The following SPAG9 variants were observed in gnomAD, a reference collection of about 807,000 sequenced individuals.
The protein encoded by SPAG9 is C-Jun-amino-terminal kinase-interacting protein 4.
Under a neutral mutation model 166.5 loss-of-function variants are expected in SPAG9, and 35 were observed. The ratio of observed to expected loss-of-function variants is 0.21; its 90% CI spans 0.16 to 0.28. The LOEUF is 0.28. Ranked by LOEUF, SPAG9 falls within the 10% of genes least tolerant of loss-of-function variation. The probability of loss-of-function intolerance (pLI) is 1.00; values close to 1 mark genes in which losing one functional copy is unlikely to be tolerated. For missense variants in SPAG9, 1,235 were observed against 1,603.3 expected, an observed-to-expected ratio of 0.77 and a Z score of 3.92; for synonymous variants, 534 against 565.5, an observed-to-expected ratio of 0.94 and a Z score of 0.79.
chr17:50,975,749 T>A (rs1047182563), intron 27 of SPAG9: 3 of 764,166 alleles, frequency 3.9e-6, no homozygotes, highest in Non-Finnish European at 6.5e-6. Context: ...ATGCAGTGAC[T>A]GCAAGTGGAT....
At chr17:51,001,581 A>T in intron 13 of SPAG9, 134 bp downstream of exon 13, 1 of 786,796 alleles carries the variant, frequency 1.3e-6, no homozygotes, top group Non-Finnish European at 1.9e-6. Context: ...TCTGAGTGTT[A>T]CTTTAAAAAG....
In SPAG9 at chr17:50,996,664, T is replaced by A; in HGVS notation, c.1869A>T (p.Glu623Asp). The change falls in exon 16 of 30, where the codon GAA becomes GAT. Residue 623 changes from glutamate to aspartate, a missense_variant. Transcript: ENST00000262013. ...CCTGACGATACTGCTCTCTCTTTTGTTCTCTGCGTGAGGCTAAACTAGCTT... is the reference window on the plus strand; with the variant it reads ...CCTGACGATACTGCTCTCTCTTTTGATCTCTGCGTGAGGCTAAACTAGCTT... ...ETEASLASRR[E>D]QKREQYRQVK... 6.2e-7 allele frequency: 1 copy of A among 1,614,194 alleles called. No individual in the cohort carries two copies. Among genetic ancestry groups the A allele is most frequent in the Non-Finnish European group, 8.5e-7 (1 of 1,180,030 alleles).
intron 1 of SPAG9, among the ~76,000 whole-genome samples, chr17:51,116,113 C>A (rs779563017): frequency 1.3e-5 from 2 of 151,940 alleles, no homozygotes; most frequent in Non-Finnish European, 2.9e-5. Context: ...AGGCACGATC[C>A]CAGCTCACTG....
At chr17:51,093,648 T>C (rs557974116) in intron 1 of SPAG9, among the ~76,000 whole-genome samples, 10 of 146,864 alleles carry the variant, frequency 6.8e-5, no homozygotes, top group Admixed American at 3.5e-4. Flanking sequence ...TGAGCCGAGA[T>C]TGCGCCACTG....
intron 28 of SPAG9, among the ~76,000 whole-genome samples, chr17:50,974,308 T>C (rs1003597276): frequency 6.6e-6 from 1 of 152,178 alleles, no homozygotes; most frequent in African/African-American, 2.4e-5. Context: ...TGAGGTTAAG[T>C]GCCTTGCTCG....
chr17:51,046,356 C>T, intron 4 of SPAG9: 1 of 623,906 alleles, frequency 1.6e-6, no homozygotes, highest in East Asian at 2.7e-5. Flanking sequence ...CTATAAATTA[C>T]TATAAATTAG....
intron 1 of SPAG9, among the ~76,000 whole-genome samples, chr17:51,112,457 G>A (rs1218204149): frequency 1.3e-5 from 2 of 150,916 alleles, no homozygotes; most frequent in Non-Finnish European, 2.9e-5. Flanking sequence ...CAGATGACTT[G>A]AGGTCGAGAT....
chr17:50,979,968 T>A (rs1311057469), intron 25 of SPAG9, 51 bp from the exon 26 acceptor site: 1 of 1,561,312 alleles, frequency 6.4e-7, no homozygotes, highest in South Asian at 1.1e-5. Flanking sequence ...TAGAATTTCA[T>A]ATTTAAAACT....
At chr17:51,053,054 CA>C (rs899156424) in intron 3 of SPAG9, among the ~76,000 whole-genome samples, 2 of 149,928 alleles carry the variant, frequency 1.3e-5, no homozygotes, top group African/African-American at 4.9e-5. Flanking sequence ...TCTCAAAAAA[CA>C]AAAAAAAGTA....
Position 51,120,595 on chromosome 17 carries a change from G to A in SPAG9, c.62C>T (p.Ser21Leu), listed in dbSNP as rs2049450403. Reference sequence around the variant, plus strand: ...GCCGGCCAGGCCGGACACCCGCTCCGACATCACGGCCCCGGAGCCGCCGGG... The same window carrying A: ...GCCGGCCAGGCCGGACACCCGCTCCAACATCACGGCCCCGGAGCCGCCGGG... ...EEPGGSGAVM[S>L]ERVSGLAGSI... is the part of the protein sequence containing the mutation. The change falls in exon 1 of 30, where the codon TCG becomes TTG. Residue 21 changes from serine to leucine, a missense_variant. Around this residue, in one of 6 missense-constraint regions of SPAG9, gnomAD observed 83 missense variants for 149.8 expected, o/e 0.55. Coordinates refer to ENST00000262013, the MANE Select transcript of SPAG9 (RefSeq NM_001130528.3). This position sits in a 1 kb window ranked among gnomAD's most constrained non-coding sequence, Gnocchi z 4.7. The A allele has an allele frequency of 6.2e-7, 1 of 1,612,966 alleles. No homozygotes were observed. The highest frequency in any genetic ancestry group is 1.7e-5 in the Admixed American group (1 of 59,932).
intron 9 of SPAG9, among the ~76,000 whole-genome samples, chr17:51,008,822 A>G (rs941833713): frequency 2.0e-5 from 3 of 152,176 alleles, no homozygotes; most frequent in Admixed American, 2.0e-4. Flanking sequence ...CTTCGGCAAG[A>G]TATTTGCTTT....
At chr17:51,031,918 G>A in intron 5 of SPAG9, 196 bp from the exon 6 acceptor site, 1 of 675,516 alleles carries the variant, frequency 1.5e-6, no homozygotes, top group Non-Finnish European at 2.7e-6. Context: ...GTAATATCAT[G>A]GTTCAGAAGC....
intron 6 of SPAG9, among the ~76,000 whole-genome samples, chr17:51,029,677 T>C (rs1223561667): frequency 6.6e-6 from 1 of 152,208 alleles, no homozygotes; most frequent in African/African-American, 2.4e-5. Flanking sequence ...AGACAAACAC[T>C]ACATAATTCT....
At chr17:51,036,403 T>G (rs2144341716) in intron 5 of SPAG9, among the ~76,000 whole-genome samples, 1 of 152,318 alleles carries the variant, frequency 6.6e-6, no homozygotes, top group Admixed American at 6.5e-5. Context: ...CTGACCCTGC[T>G]GACATCTTCT....
intron 1 of SPAG9, among the ~76,000 whole-genome samples, chr17:51,098,163 T>C (rs2048696752): frequency 6.6e-6 from 1 of 151,698 alleles, no homozygotes; most frequent in Non-Finnish European, 1.5e-5. Flanking sequence ...CTGTGTTATG[T>C]GTGTTTTTTT....
intron 1 of SPAG9, among the ~76,000 whole-genome samples, chr17:51,095,992 G>GAT (rs199752558): frequency 0.25 from 17,769 of 71,780 alleles, 2,050 homozygotes; most frequent in Non-Finnish European, 0.29. Flanking sequence ...TATATATAGT[G>GAT]ATATATATAT....
At chr17:51,042,218 A>C (rs1403779643) in intron 4 of SPAG9, among the ~76,000 whole-genome samples, 1 of 152,226 alleles carries the variant, frequency 6.6e-6, no homozygotes, top group East Asian at 1.9e-4. Flanking sequence ...TTTTCTACAG[A>C]ACCACTATAT....
intron 21 of SPAG9, among the ~76,000 whole-genome samples, chr17:50,988,717 C>T (rs1014487480): frequency 6.6e-6 from 1 of 152,028 alleles, no homozygotes; most frequent in African/African-American, 2.4e-5. Flanking sequence ...CCACGCCCAG[C>T]GAATCATTAA....
At chr17:51,072,416 T>C (rs2047846620) in intron 2 of SPAG9, among the ~76,000 whole-genome samples, 1 of 148,964 alleles carries the variant, frequency 6.7e-6, no homozygotes, top group Non-Finnish European at 1.5e-5. Context: ...GGTATGGTGG[T>C]TCATGCCTGT....
Sources: gnomAD v4.1 joint callset for allele counts (sites outside exome capture counted in the v4.1 genomes callset) on GRCh38, gnomAD v4.1.1 for gene constraint, gnomAD v4.1.1 regional missense constraint, Gnocchi (gnomAD v3.1) non-coding constraint, MANE v1.5 for transcripts, NCBI Gene and HGNC (gene_info 2026-07-23, HGNC 2026-07-21) for gene names.